Variants in UBASH3B observed in about 807,000 individuals in gnomAD.
UBASH3B encodes the protein ubiquitin-associated and SH3 domain-containing protein B.
In UBASH3B, 37 loss-of-function variants were observed where a neutral mutation model predicts 83.4. The observed-to-expected ratio is 0.44, with a 90% CI of 0.34 to 0.58. The LOEUF is 0.58. UBASH3B is among the 20% of genes least tolerant of loss of function. The pLI is 0.01. For synonymous variants in UBASH3B, 304 were observed against 318.3 expected (o/e 0.96, Z 0.48); for missense variants, 657 against 827.2 (o/e 0.79, Z 2.52).
At chr11:122,757,962 TC>T (rs34745247) in intron 1 of UBASH3B, among the ~76,000 whole-genome samples, 22,622 of 151,980 alleles carry the variant, frequency 0.15, 1,926 homozygotes, top group Middle Eastern at 0.23. Flanking sequence ...CGCCTCGGCC[TC>T]CCAAAGTGCT....
intron 1 of UBASH3B, among the ~76,000 whole-genome samples, chr11:122,699,246 T>C (rs1376878411): frequency 6.6e-6 from 1 of 152,230 alleles, no homozygotes; most frequent in Non-Finnish European, 1.5e-5. Context: ...TTATTTTATT[T>C]AATCCTCATG....
Position 122,674,745 on chromosome 11 carries a change from T to C in UBASH3B, c.161+18535T>C, listed in dbSNP as rs1027559301. Among the ~76,000 whole-genome samples the C allele has an allele frequency of 2.7e-4, 33 of 122,668 alleles. No individual in the cohort carries two copies. The East Asian group carries it at 7.5e-3, about 28-fold the overall frequency. The allele number at this position is 122,668 out of a possible 152,430, so 80.5% of individuals were successfully genotyped here. A position where few individuals can be genotyped will look rare whatever the true frequency, so the allele number is the denominator to read the frequency against. ...GTTAGTTTTTTTTTTTTTTTTTTTT[T>C]TGAGGCGGAGTCTCGCTCTGAGGCC... On this transcript the variant is annotated intron_variant, in intron 1 of 13. Transcript: ENST00000284273.
At chr11:122,805,907 C>G (rs1591333415) in intron 11 of UBASH3B, among the ~76,000 whole-genome samples, 1 of 152,278 alleles carries the variant, frequency 6.6e-6, no homozygotes, top group South Asian at 2.1e-4. Flanking sequence ...TCTCCTTGTG[C>G]CAAGTGTATG....
At chr11:122,689,070 G>T (rs1350807402) in intron 1 of UBASH3B, among the ~76,000 whole-genome samples, 3 of 152,016 alleles carry the variant, frequency 2.0e-5, no homozygotes, top group African/African-American at 7.3e-5. Context: ...AAAGTGCTGG[G>T]ATTACAGGTG....
intron 1 of UBASH3B, among the ~76,000 whole-genome samples, chr11:122,693,011 G>A (rs2135921341): frequency 6.6e-6 from 1 of 152,300 alleles, no homozygotes; most frequent in South Asian, 2.1e-4. Flanking sequence ...TTTGGGATGG[G>A]CAGTGGAGTT....
chr11:122,757,880 A>G (rs1272096351), intron 1 of UBASH3B, among the ~76,000 whole-genome samples: 1 of 151,728 alleles, frequency 6.6e-6, no homozygotes, highest in Admixed American at 6.6e-5. Context: ...CACCCAGCTA[A>G]TTTTTGTATT....
At chr11:122,698,635 G>A (rs756567977) in intron 1 of UBASH3B, among the ~76,000 whole-genome samples, 8 of 152,124 alleles carry the variant, frequency 5.3e-5, no homozygotes, top group Non-Finnish European at 7.4e-5. Flanking sequence ...CCTGGGTGCC[G>A]TGTGTGGAGG....
chr11:122,809,693 G>A (rs543810691), intron 13 of UBASH3B, 56 bp from the exon 14 acceptor site: 1 of 1,588,480 alleles, frequency 6.3e-7, no homozygotes, highest in African/African-American at 1.3e-5. Flanking sequence ...TTAGGTAAAA[G>A]TTAAAGCATT....
chr11:122,671,112 G>C (rs1863587740), intron 1 of UBASH3B, among the ~76,000 whole-genome samples: 1 of 152,214 alleles, frequency 6.6e-6, no homozygotes, highest in African/African-American at 2.4e-5. Context: ...GTGTTCTGAG[G>C]AGGGGAACAG....
intron 1 of UBASH3B, among the ~76,000 whole-genome samples, chr11:122,737,276 C>T (rs1860949393): frequency 6.6e-6 from 1 of 152,016 alleles, no homozygotes; most frequent in South Asian, 2.1e-4. Flanking sequence ...AGGGCAAAAC[C>T]GGAAGCAGGA....
chr11:122,797,065 A>G (rs752504808), intron 9 of UBASH3B, 32 bp downstream of exon 9: 7 of 1,535,666 alleles, frequency 4.6e-6, no homozygotes, highest in African/African-American at 4.2e-5. Context: ...CACTCCAGGC[A>G]TTTCTTGCCT....
rs1861336236 is a variant in UBASH3B at position 122,759,566 on chromosome 11, C to T, written c.162-16653C>T. 6.6e-6 allele frequency among the ~76,000 whole-genome samples: 1 copy of T among 152,318 alleles called. No individual in the cohort carries two copies. Among genetic ancestry groups the T allele is most frequent in the South Asian group, 2.1e-4 (1 of 4,830 alleles). On this transcript the variant is annotated intron_variant, in intron 1 of 13. Coordinates refer to ENST00000284273, the MANE Select transcript of UBASH3B (RefSeq NM_032873.5). This position sits in a 1 kb window ranked among gnomAD's most constrained non-coding sequence, Gnocchi z 4.1. ...CTTGTTTTCCTGAAACTAGGTGGGACCGTCTAGTTGGAGACCCCTGACTTA... is the reference window on the plus strand; with the variant it reads ...CTTGTTTTCCTGAAACTAGGTGGGATCGTCTAGTTGGAGACCCCTGACTTA...
intron 1 of UBASH3B, among the ~76,000 whole-genome samples, chr11:122,744,331 G>C (rs191165180): frequency 1.3e-5 from 2 of 152,292 alleles, no homozygotes; most frequent in Admixed American, 1.3e-4. Context: ...GTGTAGGTGT[G>C]ACTGTATGAG....
In UBASH3B at chr11:122,763,864, C is replaced by T. The variant is rs888516887; in HGVS notation, c.162-12355C>T. ...CTTCTCTACTGCCCTCCCTCAGCCT[C>T]ATGGGGAGAAGGCTAGGGGAGAGGG... is the stretch of plus-strand genomic sequence containing the variant. On this transcript the variant is annotated intron_variant, in intron 1 of 13. Coordinates refer to ENST00000284273, the MANE Select transcript of UBASH3B (RefSeq NM_032873.5). Among the ~76,000 whole-genome samples, 35 of 152,308 alleles carry T rather than the reference C, an allele frequency of 2.3e-4. 1 individual carries two copies. In the Middle Eastern group the frequency reaches 0.014, roughly 59 times the overall value.
At chr11:122,740,900 C>T (rs551128199) in intron 1 of UBASH3B, among the ~76,000 whole-genome samples, 1 of 152,192 alleles carries the variant, frequency 6.6e-6, no homozygotes, top group African/African-American at 2.4e-5. Flanking sequence ...CATTTTTTAG[C>T]AAAAGTCCTG....
chr11:122,798,238 C>G (rs1395177699), intron 9 of UBASH3B, among the ~76,000 whole-genome samples: 1 of 152,116 alleles, frequency 6.6e-6, no homozygotes, highest in Non-Finnish European at 1.5e-5. Context: ...GGATTTATCT[C>G]TGGTATCTAA....
At chr11:122,669,972 A>C (rs1266167688) in intron 1 of UBASH3B, among the ~76,000 whole-genome samples, 1 of 152,182 alleles carries the variant, frequency 6.6e-6, no homozygotes, top group Non-Finnish European at 1.5e-5. Flanking sequence ...AGAAGGAAGG[A>C]AACTTGAGAT....
chr11:122,772,975 A>G (rs1860673190), intron 1 of UBASH3B, among the ~76,000 whole-genome samples: 1 of 152,258 alleles, frequency 6.6e-6, no homozygotes, highest in African/African-American at 2.4e-5. Flanking sequence ...GTTCTAAACA[A>G]GAAGGTTCCA....
At chr11:122,765,379 G>GC (rs1565556480) in intron 1 of UBASH3B, among the ~76,000 whole-genome samples, 1 of 152,212 alleles carries the variant, frequency 6.6e-6, no homozygotes, top group Non-Finnish European at 1.5e-5. Flanking sequence ...GGAAGGACGG[G>GC]CACTTGCGAC....
Sources: gnomAD v4.1 joint callset for allele counts (sites outside exome capture counted in the v4.1 genomes callset) on GRCh38, gnomAD v4.1.1 for gene constraint, Gnocchi (gnomAD v3.1) non-coding constraint, MANE v1.5 for transcripts, NCBI Gene and HGNC (gene_info 2026-07-23, HGNC 2026-07-21) for gene names.